CDH9: variants seen among roughly 807,000 people sequenced by gnomAD.
CDH9 encodes cadherin 9.
In CDH9, 28 loss-of-function variants were observed where a neutral mutation model predicts 70.9. That is an observed-to-expected ratio of 0.40 (90% CI 0.29 to 0.54). The LOEUF is 0.54. CDH9 is among the 20% of genes least tolerant of loss of function. The pLI is 0.59. For synonymous variants in CDH9, 409 were observed against 343.1 expected, an observed-to-expected ratio of 1.19 and a Z score of -2.12; for missense variants, 874 against 984.4, an observed-to-expected ratio of 0.89 and a Z score of 1.50.
At chr5:26,905,884 A>T in intron 5 of CDH9, 75 bp downstream of exon 5, 1 of 1,094,648 alleles carries the variant, frequency 9.1e-7, no homozygotes, top group Non-Finnish European at 1.4e-6. Flanking sequence ...TACTAGTATG[A>T]AATGTGAATA....
At chr5:26,976,917 T>C (rs1742310847) in intron 2 of CDH9, among the ~76,000 whole-genome samples, 1 of 151,950 alleles carries the variant, frequency 6.6e-6, no homozygotes, top group Non-Finnish European at 1.5e-5. Context: ...ATGTATTATA[T>C]TTACTAAAAT....
At chr5:27,008,923 G>A (rs1233579225) in intron 1 of CDH9, among the ~76,000 whole-genome samples, 2 of 152,096 alleles carry the variant, frequency 1.3e-5, no homozygotes, top group Admixed American at 6.6e-5. Context: ...TCTCCACCCA[G>A]AATTGACACT....
chr5:26,974,696 A>G (rs1390416968), intron 2 of CDH9, among the ~76,000 whole-genome samples: 1 of 152,192 alleles, frequency 6.6e-6, no homozygotes, highest in Non-Finnish European at 1.5e-5. Context: ...TATACAAATG[A>G]CAAATACAAA....
rs562382243 is a variant in CDH9 at position 27,020,559 on chromosome 5, T to C, written c.-50+17904A>G. On this transcript the variant is annotated intron_variant, in intron 1 of 11. Transcript: ENST00000231021. ...TAAGTGATGTTATTATAAGGTAAGATATATGTCTATCTTAAGTGTTTATTT... is the reference window on the plus strand; with the variant it reads ...TAAGTGATGTTATTATAAGGTAAGACATATGTCTATCTTAAGTGTTTATTT... Among the ~76,000 whole-genome samples, 120 of 151,696 alleles carry C rather than the reference T, an allele frequency of 7.9e-4. 1 individual carries two copies. The highest frequency in any genetic ancestry group is 1.3e-3 in the Non-Finnish European group (90 of 67,724).
chr5:26,952,336 C>T (rs1387590274), intron 2 of CDH9, among the ~76,000 whole-genome samples: 1 of 126,432 alleles, frequency 7.9e-6, no homozygotes, highest in African/African-American at 2.7e-5. Context: ...TTGGGTCGGC[C>T]GGGCGTCTTG....
At chr5:27,035,696 G>A (rs868158737) in intron 1 of CDH9, among the ~76,000 whole-genome samples, 1 of 144,254 alleles carries the variant, frequency 6.9e-6, no homozygotes, top group Non-Finnish European at 1.5e-5. Context: ...GTGTGTGTGT[G>A]TGTGTGTGTG....
At chr5:26,953,410 TTTG>T (rs1284873765) in intron 2 of CDH9, among the ~76,000 whole-genome samples, 4 of 152,226 alleles carry the variant, frequency 2.6e-5, no homozygotes, top group Non-Finnish European at 5.9e-5. Flanking sequence ...CTTTAGTGAA[TTTG>T]TTATTATACC....
intron 1 of CDH9, among the ~76,000 whole-genome samples, chr5:26,992,226 G>A (rs969467399): frequency 6.6e-6 from 1 of 152,134 alleles, no homozygotes; most frequent in Non-Finnish European, 1.5e-5. Context: ...CTGCTGTGCA[G>A]CCTGGTCCCT....
chr5:26,885,749 T>C lies in CDH9; in HGVS notation c.1747A>G (p.Thr583Ala). 6.2e-7 allele frequency: 1 copy of C among 1,613,878 alleles called. No homozygotes were observed. The highest frequency in any genetic ancestry group is 1.3e-5 in the African/African-American group (1 of 75,030). Residue 583 changes from threonine to alanine, a missense_variant, in exon 11 of 12, where the codon ACA becomes GCA. By Grantham distance (58) the Thr-to-Ala change is moderately conservative. Coordinates refer to ENST00000231021, the MANE Select transcript of CDH9 (RefSeq NM_016279.4). ...NDYPIQSSTGTLTIRVCACDN... is the reference protein window; with the variant it reads ...NDYPIQSSTGALTIRVCACDN... ...CAGGCACACACACGGATAGTGAGTG[T>C]ACCAGTGCTGCTTTGAATTGGATAA... is the stretch of plus-strand genomic sequence containing the variant.
chr5:26,955,406 G>A (rs1271103875), intron 2 of CDH9, among the ~76,000 whole-genome samples: 1 of 152,080 alleles, frequency 6.6e-6, no homozygotes. Flanking sequence ...TTATCAGCAG[G>A]GCCACATTCC....
intron 1 of CDH9, among the ~76,000 whole-genome samples, chr5:27,022,238 G>T (rs1743150049): frequency 6.6e-6 from 1 of 151,894 alleles, no homozygotes; most frequent in Non-Finnish European, 1.5e-5. Context: ...ATAACTGATT[G>T]TACATGTTTT....
At chr5:26,995,304 AG>A (rs2112099106) in intron 1 of CDH9, among the ~76,000 whole-genome samples, 1 of 152,308 alleles carries the variant, frequency 6.6e-6, no homozygotes, top group African/African-American at 2.4e-5. Flanking sequence ...ACAAACTGAT[AG>A]AGAAATAGAA....
At chr5:26,963,011 C>CTATAAA (rs1742064562) in intron 2 of CDH9, among the ~76,000 whole-genome samples, 1 of 152,080 alleles carries the variant, frequency 6.6e-6, no homozygotes, top group Non-Finnish European at 1.5e-5. Flanking sequence ...TTTACCTTCA[C>CTATAAA]AGTGGTTTTA....
At chr5:26,952,908 A>G (rs889705760) in intron 2 of CDH9, among the ~76,000 whole-genome samples, 7 of 145,402 alleles carry the variant, frequency 4.8e-5, no homozygotes, top group South Asian at 2.1e-4. Context: ...TTCCAAAAAA[A>G]AAAAAAAAAA....
At chr5:26,889,239 A>T (rs905812681) in intron 9 of CDH9, among the ~76,000 whole-genome samples, 1 of 152,110 alleles carries the variant, frequency 6.6e-6, no homozygotes, top group Non-Finnish European at 1.5e-5. Flanking sequence ...TTTTTTTGTC[A>T]AAAATGAGCA....
chr5:26,918,403 G>A (rs1025393841), intron 2 of CDH9, among the ~76,000 whole-genome samples: 54 of 152,220 alleles, frequency 3.5e-4, no homozygotes, highest in African/African-American at 1.3e-3. Context: ...TGATGTAATT[G>A]TTTACCATGC....
intron 2 of CDH9, among the ~76,000 whole-genome samples, chr5:26,972,356 A>G (rs963480801): frequency 6.6e-6 from 1 of 152,164 alleles, no homozygotes; most frequent in Non-Finnish European, 1.5e-5. Context: ...AAAGGCAGAG[A>G]CATCAATAAT....
At chr5:27,002,604 G>C (rs907855422) in intron 1 of CDH9, among the ~76,000 whole-genome samples, 29 of 152,144 alleles carry the variant, frequency 1.9e-4, no homozygotes, top group Non-Finnish European at 3.5e-4. Flanking sequence ...AAAATGATGA[G>C]TTCATGTCCT....
rs756492421 is a variant in CDH9, at chr5:26,902,648, G to A, written c.1081C>T (p.Leu361=). 3 of 1,593,842 alleles carry A rather than the reference G, an allele frequency of 1.9e-6. No homozygotes were observed. Among genetic ancestry groups the A allele is most frequent in the South Asian group, 1.1e-5 (1 of 90,680 alleles). The change falls in exon 7 of 12, where the codon CTG becomes TTG. Residue 361 remains leucine, a synonymous_variant. Transcript: ENST00000231021. Reference sequence around the variant, plus strand: ...ACAGCTGTATCTTTGAAAGGTCCCAGGTGTAAGAATCGTGGATCAGGGTGA... The same window carrying A: ...ACAGCTGTATCTTTGAAAGGTCCCAAGTGTAAGAATCGTGGATCAGGGTGA... ...NTHPDPRFLH[L]GPFKDTAVVK...
Sources: gnomAD v4.1 joint callset for allele counts (sites outside exome capture counted in the v4.1 genomes callset) on GRCh38, gnomAD v4.1.1 for gene constraint, MANE v1.5 for transcripts, NCBI Gene and HGNC (gene_info 2026-07-23, HGNC 2026-07-21) for gene names.